The following BFAR variants were observed in gnomAD, a reference collection of about 807,000 sequenced individuals.
BFAR encodes the protein bifunctional apoptosis regulator.
Under a neutral mutation model 54.4 loss-of-function variants are expected in BFAR, and 52 were observed. The observed-to-expected ratio is 0.96, with a 90% CI of 0.77 to 1.21. The LOEUF (loss-of-function observed/expected upper bound fraction) is 1.21. BFAR is among the 50% of genes most tolerant of loss of function. The pLI is 0.00. For synonymous variants in BFAR, 215 were observed against 204.3 expected, an observed-to-expected ratio of 1.05 and a Z score of -0.45; for missense variants, 571 against 534.0, an observed-to-expected ratio of 1.07 and a Z score of -0.68.
At chr16:14,655,446 A>T (rs1165928181) in intron 5 of BFAR, among the ~76,000 whole-genome samples, 2 of 150,018 alleles carry the variant, frequency 1.3e-5, no homozygotes, top group Admixed American at 6.7e-5. Context: ...CTCAGCCTCC[A>T]GAGTAGCTGG....
rs1383821020 is a variant in BFAR, at chr16:14,648,262, C to G, written c.264-126C>G. 8.4e-6 allele frequency: 6 copies of G among 712,754 alleles called. No individual in the cohort carries two copies. In the East Asian group the frequency reaches 1.6e-4, roughly 19 times the overall value. The allele number at this position is 712,754 out of a possible 1,614,324, so 44.2% of individuals were successfully genotyped here. ...TGCTTTTACCCACAGGACTATAATA[C>G]ATTTCTTGTCAGTTCTCCTAGGGTA... On this transcript the variant is annotated intron_variant, in intron 2 of 7. Transcript: ENST00000261658.
chr16:14,640,899 C>T (rs901798541), intron 1 of BFAR, among the ~76,000 whole-genome samples: 24 of 152,168 alleles, frequency 1.6e-4, no homozygotes, highest in Non-Finnish European at 2.8e-4. Context: ...TCAGACTTCC[C>T]GAGGCATCTC....
Position 14,665,076 on chromosome 16 carries a change from G to C in BFAR, c.1160+5G>C, listed in dbSNP as rs1960406254. Reference sequence around the variant, plus strand: ...CTGGTCGAGAAGTGAACTGAAGTAAGTATGTTTTAATGGTTGTCACAACAG... The same window carrying C: ...CTGGTCGAGAAGTGAACTGAAGTAACTATGTTTTAATGGTTGTCACAACAG... On this transcript the variant is annotated splice_donor_5th_base_variant and intron_variant, in intron 7 of 7. Coordinates refer to ENST00000261658, the MANE Select transcript of BFAR (RefSeq NM_016561.3). 6.2e-7 allele frequency: 1 copy of C among 1,606,062 alleles called. No homozygotes were observed. The highest frequency in any genetic ancestry group is 1.7e-5 in the Admixed American group (1 of 59,962).
intron 7 of BFAR, among the ~76,000 whole-genome samples, chr16:14,666,031 C>A (rs1960432144): frequency 6.6e-6 from 1 of 152,166 alleles, no homozygotes; most frequent in Non-Finnish European, 1.5e-5. Context: ...GTGTTTTCTG[C>A]CTCAGGCATC....
rs1430011378 is a variant in BFAR at position 14,661,770 on chromosome 16, A to G, written c.784-122A>G. ...CTTGGCCTCTTCTTGCCGTTCATTC[A>G]TTCATGCATTGTGTGTACCATGCAA... is the stretch of plus-strand genomic sequence containing the variant. On this transcript the variant is annotated intron_variant, in intron 5 of 7. Coordinates refer to ENST00000261658, the MANE Select transcript of BFAR (RefSeq NM_016561.3). 3.8e-6 allele frequency: 4 copies of G among 1,049,474 alleles called. No individual in the cohort carries two copies. The East Asian group carries it at 7.2e-5, about 19-fold the overall frequency. The allele number at this position is 1,049,474 out of a possible 1,614,324, so 65.0% of individuals were successfully genotyped here.
chr16:14,665,771 A>G (rs1430449256), intron 7 of BFAR, among the ~76,000 whole-genome samples: 1 of 152,222 alleles, frequency 6.6e-6, no homozygotes, highest in African/African-American at 2.4e-5. Flanking sequence ...GGAGTTAGTG[A>G]GAAGTCAATA....
At chr16:14,646,928 T>C (rs937532076) in intron 2 of BFAR, among the ~76,000 whole-genome samples, 1 of 152,106 alleles carries the variant, frequency 6.6e-6, no homozygotes, top group Non-Finnish European at 1.5e-5. Context: ...TTTGTTCAGA[T>C]TTTTTTAAAT....
chr16:14,648,727 A>G (rs1438112020), intron 3 of BFAR, 135 bp downstream of exon 3: 1 of 680,818 alleles, frequency 1.5e-6, no homozygotes, highest in Non-Finnish European at 2.5e-6. Flanking sequence ...ACGTACATTG[A>G]AATCTGCTGG....
chr16:14,666,887 C>A (rs1385242051), intron 7 of BFAR, among the ~76,000 whole-genome samples: 3 of 152,084 alleles, frequency 2.0e-5, no homozygotes, highest in Non-Finnish European at 4.4e-5. Context: ...TAGTGTGAGG[C>A]CCTACAGCCT....
intron 5 of BFAR, among the ~76,000 whole-genome samples, chr16:14,657,517 G>C (rs1327372340): frequency 6.6e-6 from 1 of 151,892 alleles, no homozygotes; most frequent in Non-Finnish European, 1.5e-5. Context: ...CAAAGTGCTG[G>C]GATTACAGGT....
At chr16:14,651,521 G>T (rs1959966974) in intron 4 of BFAR, among the ~76,000 whole-genome samples, 1 of 152,070 alleles carries the variant, frequency 6.6e-6, no homozygotes, top group Non-Finnish European at 1.5e-5. Context: ...TCACTCTGTA[G>T]CCCAGGCTGG....
At position 14,648,364 on chromosome 16, in the gene BFAR, A is replaced by AT. The variant is rs540587741; in HGVS notation, c.264-14dup. 3,727 of 1,469,546 alleles carry AT rather than the reference A, an allele frequency of 2.5e-3. 1 individual carries two copies. Among genetic ancestry groups the AT allele is most frequent in the Non-Finnish European group, 2.7e-3 (2,827 of 1,066,540 alleles). The allele number at this position is 1,469,546 out of a possible 1,614,324, so 91.0% of individuals were successfully genotyped here. A position where few individuals can be genotyped will look rare whatever the true frequency, so the allele number is the denominator to read the frequency against. Reference sequence around the variant, plus strand: ...GATATTTAGTCAAACAACTGTCTTAATTTTTTTTTTCTATTCTCCATAGGG... The same window carrying AT: ...GATATTTAGTCAAACAACTGTCTTAATTTTTTTTTTTCTATTCTCCATAGGG... On this transcript the variant is annotated intron_variant, in intron 2 of 7. Coordinates refer to ENST00000261658, the MANE Select transcript of BFAR (RefSeq NM_016561.3).
intron 2 of BFAR, 69 bp from the exon 3 acceptor site, chr16:14,648,319 C>CT: frequency 8.0e-7 from 1 of 1,251,592 alleles, no homozygotes; most frequent in East Asian, 2.3e-5. Flanking sequence ...ACTATCAGGG[C>CT]TTTTTTGGCC....
intron 6 of BFAR, among the ~76,000 whole-genome samples, chr16:14,664,296 C>G (rs1042569339): frequency 6.1e-5 from 9 of 147,514 alleles, no homozygotes; most frequent in South Asian, 4.2e-4. Flanking sequence ...GAGGCTGAGA[C>G]AGGAGAATCA....
chr16:14,660,900 C>CA (rs1429422851), intron 5 of BFAR, among the ~76,000 whole-genome samples: 1 of 150,894 alleles, frequency 6.6e-6, no homozygotes, highest in South Asian at 2.1e-4. Context: ...GACTCTGTCT[C>CA]AAAAAAATAA....
In BFAR at chr16:14,648,497, G is replaced by A. The variant is rs1959868163; in HGVS notation, c.373G>A (p.Asp125Asn). 1 of 1,613,668 alleles carries A rather than the reference G, an allele frequency of 6.2e-7. No homozygotes were observed. Among genetic ancestry groups the A allele is most frequent in the South Asian group, 1.1e-5 (1 of 91,076 alleles). ...SLAAFQKYGN[D>N]QIPLAPNTGR... Reference sequence around the variant, plus strand: ...TGCAGCCTTTCAGAAATATGGGAATGATCAGATTCCTTTAGCTCCTAACAC... The same window carrying A: ...TGCAGCCTTTCAGAAATATGGGAATAATCAGATTCCTTTAGCTCCTAACAC... The change falls in exon 3 of 8, where the codon GAT becomes AAT. Residue 125 changes from aspartate to asparagine, a missense_variant. Transcript: ENST00000261658.
rs948568347 is a variant in BFAR at position 14,648,740 on chromosome 16, T to C, written c.468+148T>C. 1.1e-5 allele frequency: 7 copies of C among 646,352 alleles called. No individual in the cohort carries two copies. In the African/African-American group the frequency reaches 1.3e-4, roughly 12 times the overall value. The allele number at this position is 646,352 out of a possible 1,614,324, so 40.0% of individuals were successfully genotyped here. On this transcript the variant is annotated intron_variant, in intron 3 of 7. Coordinates refer to ENST00000261658, the MANE Select transcript of BFAR (RefSeq NM_016561.3). ...CTACGTACATTGAAATCTGCTGGGTTCTATGATTTCCTCAGGAATGTTGCT... is the reference window on the plus strand; with the variant it reads ...CTACGTACATTGAAATCTGCTGGGTCCTATGATTTCCTCAGGAATGTTGCT...
chr16:14,662,343 T>C (rs961949903), intron 6 of BFAR, among the ~76,000 whole-genome samples: 1 of 152,066 alleles, frequency 6.6e-6, no homozygotes, highest in African/African-American at 2.4e-5. Flanking sequence ...ATCCTTTTTT[T>C]CCCCCAAAGA....
Position 14,644,321 on chromosome 16 carries a change from C to T in BFAR, c.-26C>T. 2 of 1,600,438 alleles carry T rather than the reference C, an allele frequency of 1.2e-6. No individual in the cohort carries two copies. Among genetic ancestry groups the T allele is most frequent in the Non-Finnish European group, 8.5e-7 (1 of 1,171,106 alleles). On this transcript the variant is annotated 5_prime_UTR_variant, in exon 2 of 8. Coordinates refer to ENST00000261658, the MANE Select transcript of BFAR (RefSeq NM_016561.3). ...TTTCTACGTCTGAAATTTTTTATGT[C>T]TCTGGAACCCAGAATTTGCTAAGAG...
Sources: gnomAD v4.1 joint callset for allele counts (sites outside exome capture counted in the v4.1 genomes callset) on GRCh38, gnomAD v4.1.1 for gene constraint, MANE v1.5 for transcripts, NCBI Gene and HGNC (gene_info 2026-07-23, HGNC 2026-07-21) for gene names.